The following ALX1 variants were observed in gnomAD, a reference collection of about 807,000 sequenced individuals.
The protein encoded by ALX1 is ALX homeobox protein 1.
A neutral mutation model predicts 31.7 loss-of-function variants in ALX1; 19 were observed. The ratio of observed to expected loss-of-function variants is 0.60; its 90% CI spans 0.42 to 0.88. The LOEUF (loss-of-function observed/expected upper bound fraction) is 0.88. ALX1 is among the 40% of genes least tolerant of loss of function. The pLI, the probability that ALX1 is intolerant of heterozygous loss-of-function variation, is 0.00. For synonymous variants in ALX1, 153 were observed against 148.8 expected, an observed-to-expected ratio of 1.03 and a Z score of -0.20; for missense variants, 415 against 407.8, an observed-to-expected ratio of 1.02 and a Z score of -0.15.
chr12:85,295,054 T>A (rs1896869424), intron 3 of ALX1, among the ~76,000 whole-genome samples: 1 of 151,324 alleles, frequency 6.6e-6, no homozygotes, highest in East Asian at 1.9e-4. Flanking sequence ...GAGAAGACAC[T>A]GATGAAAATG....
rs780702584 is a variant in ALX1, at chr12:85,286,997, C to A, written c.660+16C>A. ...CTACCCACAGGTATGCTAAACTACACAGAATACTGATCAAGAAAAGGATAT... is the reference window on the plus strand; with the variant it reads ...CTACCCACAGGTATGCTAAACTACAAAGAATACTGATCAAGAAAAGGATAT... On this transcript the variant is annotated intron_variant, in intron 3 of 3. Coordinates refer to ENST00000316824, the MANE Select transcript of ALX1 (RefSeq NM_006982.3). 8.7e-6 allele frequency: 14 copies of A among 1,611,000 alleles called. No homozygotes were observed. In the South Asian group the frequency reaches 1.3e-4, roughly 15 times the overall value.
At chr12:85,281,060 G>T (rs1378103916) in intron 1 of ALX1, among the ~76,000 whole-genome samples, 3 of 152,036 alleles carry the variant, frequency 2.0e-5, no homozygotes, top group African/African-American at 4.8e-5. Context: ...GATTTCTAGC[G>T]TGTGTGAATT....
At chr12:85,294,104 ACT>A (rs1264177274) in intron 3 of ALX1, among the ~76,000 whole-genome samples, 1 of 151,154 alleles carries the variant, frequency 6.6e-6, no homozygotes, top group Non-Finnish European at 1.5e-5. Context: ...TCCATAAATG[ACT>A]CCAAGCAAGA....
At chr12:85,297,791 G>A (rs1457460245) in intron 3 of ALX1, among the ~76,000 whole-genome samples, 1 of 151,564 alleles carries the variant, frequency 6.6e-6, no homozygotes, top group Non-Finnish European at 1.5e-5. Flanking sequence ...GAGAATCAGT[G>A]TTTAATAATA....
intron 3 of ALX1, among the ~76,000 whole-genome samples, chr12:85,287,905 C>T (rs1414785509): frequency 6.6e-6 from 1 of 151,464 alleles, no homozygotes; most frequent in East Asian, 1.9e-4. Flanking sequence ...TGGAGAAATA[C>T]CTTGATAGTT....
chr12:85,297,862 T>C (rs1896909883), intron 3 of ALX1, among the ~76,000 whole-genome samples: 1 of 151,726 alleles, frequency 6.6e-6, no homozygotes, highest in Non-Finnish European at 1.5e-5. Flanking sequence ...ATTTTCATGA[T>C]CACTGTTAAG....
intron 2 of ALX1, among the ~76,000 whole-genome samples, chr12:85,284,447 A>G (rs1157130244): frequency 1.3e-5 from 2 of 152,034 alleles, no homozygotes; most frequent in African/African-American, 2.4e-5. Flanking sequence ...TTACAATTTT[A>G]TAGTCCTAGT....
At position 85,283,595 on chromosome 12, in the gene ALX1, G is replaced by T; in HGVS notation, c.250G>T (p.Glu84Ter). 1 of 1,614,052 alleles carries T rather than the reference G, an allele frequency of 6.2e-7. No individual in the cohort carries two copies. The highest frequency in any genetic ancestry group is 8.5e-7 in the Non-Finnish European group (1 of 1,179,960). The change falls in exon 2 of 4, where the codon GAA (glutamate) becomes TAA (stop). Residue 84 changes from glutamate to a stop codon, truncating the protein, a stop_gained. Coordinates refer to ENST00000316824, the MANE Select transcript of ALX1 (RefSeq NM_006982.3). LOFTEE classifies it high-confidence loss of function. ...SSVNYGITKV[E>*]GQPLHTELNR... ...AGTGAACTATGGGATCACTAAAGTA[G>T]AAGGACAGCCCCTTCACACCGAACT...
chr12:85,301,086 A>T (rs553329788), intron 3 of ALX1, 69 bp from the exon 4 acceptor site: 3 of 1,576,944 alleles, frequency 1.9e-6, no homozygotes, highest in Admixed American at 3.4e-5. Context: ...AGTAAATACA[A>T]CTTAACAAAA....
At chr12:85,296,995 C>T (rs1159798656) in intron 3 of ALX1, among the ~76,000 whole-genome samples, 2 of 151,602 alleles carry the variant, frequency 1.3e-5, no homozygotes, top group Non-Finnish European at 3.0e-5. Flanking sequence ...TGATGGGCTT[C>T]CCAGTTGACA....
chr12:85,280,973 G>A (rs1896664546), intron 1 of ALX1, among the ~76,000 whole-genome samples: 1 of 152,002 alleles, frequency 6.6e-6, no homozygotes, highest in Non-Finnish European at 1.5e-5. Flanking sequence ...AAAACCCTTT[G>A]AGCTCCTTTA....
intron 3 of ALX1, among the ~76,000 whole-genome samples, chr12:85,291,654 A>G (rs1222031739): frequency 6.6e-6 from 1 of 151,130 alleles, no homozygotes. Flanking sequence ...TTGAGTTACA[A>G]CTTTGACTTG....
chr12:85,286,775 T>G, intron 2 of ALX1, 78 bp from the exon 3 acceptor site: 1 of 1,300,152 alleles, frequency 7.7e-7, no homozygotes. Flanking sequence ...TTACCTTTCT[T>G]GTTTGATGTC....
intron 3 of ALX1, among the ~76,000 whole-genome samples, chr12:85,294,973 A>G (rs1896868292): frequency 2.0e-5 from 3 of 151,354 alleles, no homozygotes; most frequent in Non-Finnish European, 3.0e-5. Context: ...TTAAAATGTC[A>G]ATAGACTTAT....
rs1896959777 is a variant in ALX1 at position 85,301,198 on chromosome 12, T to C, written c.704T>C (p.Val235Ala). The change falls in exon 4 of 4, where the codon GTG becomes GCG. Residue 235 changes from valine to alanine, a missense_variant. Physicochemically the swap from Val to Ala is moderately conservative, Grantham distance 64. Coordinates refer to ENST00000316824, the MANE Select transcript of ALX1 (RefSeq NM_006982.3). ...GCAGGAAATGCAAGTGGTGGTTCTG[T>C]GGTTACTTCATGCATGTTACCACGT... Reference protein sequence around the residue: ...LWAGNASGGSVVTSCMLPRDT... With the variant: ...LWAGNASGGSAVTSCMLPRDT... The C allele has an allele frequency of 1.2e-6, 2 of 1,613,942 alleles. No individual in the cohort carries two copies. The highest frequency in any genetic ancestry group is 1.7e-5 in the Admixed American group (1 of 59,972).
At chr12:85,292,343 C>T (rs981382629) in intron 3 of ALX1, among the ~76,000 whole-genome samples, 4 of 151,200 alleles carry the variant, frequency 2.6e-5, no homozygotes, top group African/African-American at 7.2e-5. Flanking sequence ...TAAATATTTT[C>T]ATCACAAATT....
intron 2 of ALX1, 122 bp downstream of exon 2, chr12:85,283,998 A>C: frequency 9.1e-7 from 1 of 1,100,560 alleles, no homozygotes. Context: ...TGAGAAACGG[A>C]GTAATATATA....
At position 85,301,418 on chromosome 12, in the gene ALX1, CGCAGTTCTTCGAATGAAA is replaced by C; in HGVS notation, c.927_944del (p.Val310_Ala315del). On this transcript the variant is annotated inframe_deletion, in exon 4 of 4. Coordinates refer to ENST00000316824, the MANE Select transcript of ALX1 (RefSeq NM_006982.3). ...AGTTTGAAAGGAGGTCTTCCAGTAT[CGCAGTTCTTCGAATGAAA>C]GCCAAGGAGCACACCGCCAATATTT... 1 of 1,614,084 alleles carries C rather than the reference CGCAGTTCTTCGAATGAAA, an allele frequency of 6.2e-7. No individual in the cohort carries two copies. Among genetic ancestry groups the C allele is most frequent in the Non-Finnish European group, 8.5e-7 (1 of 1,179,990 alleles).
intron 1 of ALX1, among the ~76,000 whole-genome samples, chr12:85,282,123 A>G (rs1279369420): frequency 6.6e-6 from 1 of 151,950 alleles, no homozygotes; most frequent in Non-Finnish European, 1.5e-5. Context: ...TAATTGCTGC[A>G]GTTCCCCCTT....
Sources: allele counts gnomAD v4.1 joint callset (sites outside exome capture counted in the v4.1 genomes callset), GRCh38; gene constraint gnomAD v4.1.1; transcripts MANE v1.5; gene names NCBI Gene and HGNC (gene_info 2026-07-23, HGNC 2026-07-21).